The following RASAL2 variants were observed in gnomAD, a reference collection of about 807,000 sequenced individuals.
RASAL2 encodes the protein ras GTPase-activating protein nGAP.
Under a neutral mutation model 128.9 loss-of-function variants are expected in RASAL2, and 58 were observed. That is an observed-to-expected ratio of 0.45 (90% CI 0.36 to 0.56). RASAL2 has a LOEUF of 0.56. RASAL2 is among the 20% of genes least tolerant of loss of function. The probability of loss-of-function intolerance (pLI) is 0.00; values close to 1 mark genes in which losing one functional copy is unlikely to be tolerated. For missense variants in RASAL2, 1,360 were observed against 1,601.6 expected (o/e 0.85, Z 2.57); for synonymous variants, 561 against 580.8 (o/e 0.97, Z 0.49).
intron 3 of RASAL2, among the ~76,000 whole-genome samples, chr1:178,306,565 T>A (rs1404562067): frequency 1.3e-5 from 2 of 151,862 alleles, no homozygotes; most frequent in Non-Finnish European, 2.9e-5. Context: ...ACCTGTTGTT[T>A]CCTGACTTTT....
intron 1 of RASAL2, among the ~76,000 whole-genome samples, chr1:178,192,704 A>G (rs2101950319): frequency 6.6e-6 from 1 of 152,294 alleles, no homozygotes; most frequent in African/African-American, 2.4e-5. Flanking sequence ...CAATTTAGCA[A>G]CCTACAGTCT....
intron 1 of RASAL2, among the ~76,000 whole-genome samples, chr1:178,098,382 A>G (rs1658769814): frequency 6.6e-6 from 1 of 152,236 alleles, no homozygotes; most frequent in South Asian, 2.1e-4. Context: ...CATTTTTCAG[A>G]TATTTATAGC....
At chr1:178,367,323 G>A (rs1307866111) in intron 3 of RASAL2, among the ~76,000 whole-genome samples, 2 of 152,102 alleles carry the variant, frequency 1.3e-5, no homozygotes, top group South Asian at 4.2e-4. Context: ...TAACAGTTTA[G>A]TCAAATGTCA....
chr1:178,202,068 A>G (rs1044088832), intron 1 of RASAL2, among the ~76,000 whole-genome samples: 3 of 152,176 alleles, frequency 2.0e-5, no homozygotes, highest in African/African-American at 7.2e-5. Flanking sequence ...ACCATTGGAC[A>G]CTGGCTCTGA....
At chr1:178,156,162 A>G (rs545994943) in intron 1 of RASAL2, among the ~76,000 whole-genome samples, 3 of 152,376 alleles carry the variant, frequency 2.0e-5, no homozygotes, top group Non-Finnish European at 4.4e-5. Flanking sequence ...TTTGAAGCAG[A>G]TTAAAGATGA....
chr1:178,351,338 C>T (rs1166936486), intron 3 of RASAL2, among the ~76,000 whole-genome samples: 1 of 152,204 alleles, frequency 6.6e-6, no homozygotes, highest in Non-Finnish European at 1.5e-5. Context: ...AGTCTTGACT[C>T]ATTCCAGTAT....
chr1:178,355,953 G>A (rs936607468), intron 3 of RASAL2, among the ~76,000 whole-genome samples: 4 of 152,096 alleles, frequency 2.6e-5, no homozygotes, highest in Non-Finnish European at 5.9e-5. Flanking sequence ...GGTGGATTAC[G>A]AGGTCAGGAG....
intron 16 of RASAL2, 139 bp downstream of exon 16, chr1:178,466,261 TC>T: frequency 1.4e-6 from 1 of 736,668 alleles, no homozygotes. Flanking sequence ...ATTGACTGTA[TC>T]TCTTAAAATA....
chr1:178,214,694 G>A (rs1031839691), intron 1 of RASAL2, among the ~76,000 whole-genome samples: 60 of 152,168 alleles, frequency 3.9e-4, no homozygotes, highest in Non-Finnish European at 6.9e-4. Context: ...AAGTAGCTGG[G>A]ACTACAGGTG....
chr1:178,325,072 T>C (rs943010356), intron 3 of RASAL2, among the ~76,000 whole-genome samples: 8 of 152,240 alleles, frequency 5.3e-5, no homozygotes. Context: ...TATTTGCATG[T>C]TAACATGTTT....
At chr1:178,408,676 C>A (rs538617428) in intron 4 of RASAL2, among the ~76,000 whole-genome samples, 1 of 142,842 alleles carries the variant, frequency 7.0e-6, no homozygotes, top group African/African-American at 2.8e-5. Context: ...TATTACATTT[C>A]TGGCTGTTTA....
In RASAL2 at chr1:178,243,602, C is replaced by CAAA. The variant is rs3041601; in HGVS notation, c.203-39947_203-39945dup. ...TGATGCTAGGCTTGCTTGTTGTTAT[C>CAAA]AAAAAAAAAAAAAAAAATGACAACA... On this transcript the variant is annotated intron_variant, in intron 1 of 17. Transcript: ENST00000367649. Among the ~76,000 whole-genome samples the CAAA allele has an allele frequency of 1.5e-3, 183 of 121,886 alleles. 2 individuals carry two copies. Among genetic ancestry groups the CAAA allele is most frequent in the African/African-American group, 5.0e-3 (175 of 35,062 alleles). The allele number at this position is 121,886 out of a possible 152,430, so 80.0% of individuals were successfully genotyped here. A position where few individuals can be genotyped will look rare whatever the true frequency, so the allele number is the denominator to read the frequency against.
intron 3 of RASAL2, among the ~76,000 whole-genome samples, chr1:178,359,436 C>T (rs1242904952): frequency 6.6e-6 from 1 of 152,138 alleles, no homozygotes; most frequent in Non-Finnish European, 1.5e-5. Context: ...ATTGAAAATA[C>T]AAATTTGTTC....
intron 1 of RASAL2, among the ~76,000 whole-genome samples, chr1:178,258,563 G>T (rs1490782905): frequency 2.6e-5 from 4 of 152,156 alleles, no homozygotes; most frequent in African/African-American, 4.8e-5. Context: ...ACAACAGTGA[G>T]ATACCACATC....
chr1:178,388,174 AT>A lies in RASAL2; in HGVS notation c.458-1918del, dbSNP rs1189931325. Among the ~76,000 whole-genome samples, 7 of 152,066 alleles carry A rather than the reference AT, an allele frequency of 4.6e-5. No individual in the cohort carries two copies. In the South Asian group the frequency reaches 1.5e-3, roughly 32 times the overall value. On this transcript the variant is annotated intron_variant, in intron 3 of 17. Transcript: ENST00000367649. ...AGGTAATTATTAGAGGAAAGGTGAG[AT>A]TTTTTTTCTACCTTCACCAGCCCCA...
intron 1 of RASAL2, among the ~76,000 whole-genome samples, chr1:178,175,390 G>C (rs911448644): frequency 6.7e-6 from 1 of 150,280 alleles, no homozygotes; most frequent in Non-Finnish European, 1.5e-5. Context: ...ACTAACAACT[G>C]TTGGAACTGT....
At chr1:178,245,893 T>C (rs1265134092) in intron 1 of RASAL2, among the ~76,000 whole-genome samples, 1 of 152,228 alleles carries the variant, frequency 6.6e-6, no homozygotes, top group Non-Finnish European at 1.5e-5. Context: ...TGTGGTGTTA[T>C]TTCTGACACC....
intron 9 of RASAL2, among the ~76,000 whole-genome samples, chr1:178,449,451 T>A (rs1214383171): frequency 3.3e-5 from 5 of 152,154 alleles, no homozygotes; most frequent in Non-Finnish European, 7.4e-5. Context: ...ATGTGAAATT[T>A]TTATGCCAGA....
intron 1 of RASAL2, among the ~76,000 whole-genome samples, chr1:178,250,651 G>T (rs2815288): frequency 1.3e-5 from 2 of 152,008 alleles, no homozygotes; most frequent in Admixed American, 1.3e-4. Flanking sequence ...CTTCTGCGTT[G>T]GTCTCGCTGG....
Sources: gnomAD v4.1 joint callset for allele counts (sites outside exome capture counted in the v4.1 genomes callset) on GRCh38, gnomAD v4.1.1 for gene constraint, MANE v1.5 for transcripts, NCBI Gene and HGNC (gene_info 2026-07-23, HGNC 2026-07-21) for gene names.